GSPT1: variants seen among roughly 807,000 people sequenced by gnomAD.
GSPT1 encodes G1 to S phase transition 1.
Under a neutral mutation model 72.5 loss-of-function variants are expected in GSPT1, and 20 were observed. The ratio of observed to expected loss-of-function variants is 0.28; its 90% confidence interval spans 0.19 to 0.40. The LOEUF is 0.40. Among genes scored for constraint, GSPT1 ranks in the 10% least tolerant of loss-of-function variants. The pLI, the probability that GSPT1 is intolerant of heterozygous loss-of-function variation, is 1.00. For synonymous variants in GSPT1, 334 were observed against 293.5 expected (o/e 1.14, Z -1.41); for missense variants, 580 against 811.9 (o/e 0.71, Z 3.47).
At chr16:11,904,904 A>C (rs1441262228) in intron 1 of GSPT1, among the ~76,000 whole-genome samples, 1 of 152,156 alleles carries the variant, frequency 6.6e-6, no homozygotes, top group African/African-American at 2.4e-5. Flanking sequence ...GGGAAACACA[A>C]GGAGACTTCG....
chr16:11,889,568 C>T (rs1313270223), intron 6 of GSPT1, among the ~76,000 whole-genome samples: 1 of 151,138 alleles, frequency 6.6e-6, no homozygotes, highest in Non-Finnish European at 1.5e-5. Flanking sequence ...AGTGCAGCAG[C>T]ACCATCTCGG....
In GSPT1 at chr16:11,869,792, C is replaced by T. The variant is rs939206019; in HGVS notation, c.*3327G>A. On this transcript the variant is annotated 3_prime_UTR_variant, in exon 15 of 15. Transcript: ENST00000434724. ...AGTAATTCCAGTCATTACTAGTGTTCCTGCAGATCGCCAAGGGAGCTTAGC... is the reference window on the plus strand; with the variant it reads ...AGTAATTCCAGTCATTACTAGTGTTTCTGCAGATCGCCAAGGGAGCTTAGC... The T allele has an allele frequency of 3.3e-5, 5 of 152,176 alleles. No individual in the cohort carries two copies. The highest frequency in any genetic ancestry group is 1.2e-4 in the African/African-American group (5 of 41,450). 9.4% of individuals were successfully genotyped at this position (152,176 alleles called of 1,614,324 possible).
At chr16:11,903,009 GC>G (rs2054435353) in intron 1 of GSPT1, among the ~76,000 whole-genome samples, 1 of 151,900 alleles carries the variant, frequency 6.6e-6, no homozygotes, top group African/African-American at 2.4e-5. Context: ...GAGCCACCGC[GC>G]CCGGCTTCCA....
intron 12 of GSPT1, among the ~76,000 whole-genome samples, 153 bp from the exon 13 acceptor site, chr16:11,876,328 T>G (rs1234852568): frequency 6.6e-6 from 1 of 152,200 alleles, no homozygotes; most frequent in African/African-American, 2.4e-5. Context: ...TAGGTTTGTC[T>G]TACTAATTTT....
intron 1 of GSPT1, among the ~76,000 whole-genome samples, chr16:11,901,210 T>C (rs1411994627): frequency 1.3e-5 from 2 of 152,104 alleles, no homozygotes; most frequent in Non-Finnish European, 2.9e-5. Flanking sequence ...ACATACACAG[T>C]AAACCTTTAC....
At chr16:11,904,252 G>C (rs910265251) in intron 1 of GSPT1, 2 of 152,470 alleles carry the variant, frequency 1.3e-5, no homozygotes, top group Non-Finnish European at 2.9e-5. Context: ...TGCCAGGCTG[G>C]AGTGCAGTGG....
rs1305756056 is a variant in GSPT1 at position 11,868,836 on chromosome 16, C to G, written c.*4283G>C. ...AGAAAACAATAACCATTTCAAGGAT[C>G]ACTTAAGGAATCCTGGTGTTTTCTG... On this transcript the variant is annotated 3_prime_UTR_variant, in exon 15 of 15. Coordinates refer to ENST00000434724, the MANE Select transcript of GSPT1 (RefSeq NM_002094.4). 2.0e-5 allele frequency: 3 copies of G among 152,190 alleles called. No individual in the cohort carries two copies. The highest frequency in any genetic ancestry group is 7.2e-5 in the African/African-American group (3 of 41,442). The allele number at this position is 152,190 out of a possible 1,614,324, so 9.4% of individuals were successfully genotyped here.
chr16:11,882,936 G>A (rs2054139303), intron 11 of GSPT1, 79 bp downstream of exon 11: 1 of 874,908 alleles, frequency 1.1e-6, no homozygotes. Context: ...CTGCCTCGGT[G>A]ACAGAAGAAG....
At chr16:11,887,020 A>ATTT in intron 7 of GSPT1, 89 bp from the exon 8 acceptor site, 47 of 580,954 alleles carry the variant, frequency 8.1e-5, no homozygotes, top group Middle Eastern at 3.7e-4. Context: ...TTATATCACG[A>ATTT]GTTTTTTTTT....
rs1341715852 is a variant in GSPT1 at position 11,877,168 on chromosome 16, T to TA, written c.1602+238dup. 6.6e-6 allele frequency among the ~76,000 whole-genome samples: 1 copy of TA among 152,128 alleles called. No homozygotes were observed. Among genetic ancestry groups the TA allele is most frequent in the Admixed American group, 6.6e-5 (1 of 15,262 alleles). On this transcript the variant is annotated intron_variant, in intron 12 of 14. Transcript: ENST00000434724. This position sits in a 1 kb window ranked among gnomAD's most constrained non-coding sequence, Gnocchi z 4.0. ...GAATGTATCATCAGGAGATCAAACA[T>TA]AAAAAGGAACTTACAAAGAATACTC...
intron 1 of GSPT1, among the ~76,000 whole-genome samples, chr16:11,913,988 G>A (rs1482388998): frequency 6.6e-6 from 1 of 152,150 alleles, no homozygotes; most frequent in Non-Finnish European, 1.5e-5. Flanking sequence ...AGCAAACGGT[G>A]ACAAAAGTTT....
At position 11,870,461 on chromosome 16, in the gene GSPT1, A is replaced by C. The variant is rs1342184597; in HGVS notation, c.*2658T>G. On this transcript the variant is annotated 3_prime_UTR_variant, in exon 15 of 15. Transcript: ENST00000434724. ...TTCTAGTAGAGCAACGTTAGAGAAC[A>C]AATGCTTAGGTAATACCCTAAATAT... is the stretch of plus-strand genomic sequence containing the variant. 6.6e-6 allele frequency: 1 copy of C among 152,260 alleles called. No individual in the cohort carries two copies. The highest frequency in any genetic ancestry group is 1.5e-5 in the Non-Finnish European group (1 of 68,048). 9.4% of individuals were successfully genotyped at this position (152,260 alleles called of 1,614,324 possible).
At chr16:11,895,227 T>G in intron 4 of GSPT1, 1 of 330,278 alleles carries the variant, frequency 3.0e-6, no homozygotes, top group Admixed American at 4.2e-5. Context: ...GGTCAGGAGT[T>G]CGAGACCAGC....
chr16:11,891,168 A>T lies in GSPT1; in HGVS notation c.699-29T>A, dbSNP rs760622614. The T allele has an allele frequency of 5.2e-6, 6 of 1,154,160 alleles. No individual in the cohort carries two copies. The South Asian group carries it at 7.3e-5, about 14-fold the overall frequency. 71.5% of individuals were successfully genotyped at this position (1,154,160 alleles called of 1,614,324 possible). On this transcript the variant is annotated intron_variant, in intron 5 of 14. Coordinates refer to ENST00000434724, the MANE Select transcript of GSPT1 (RefSeq NM_002094.4). The stretch of plus-strand genomic sequence containing the variant: ...AAAACATTTAAAGAAAAAAAAAAGT[A>T]AACAATTACTCACAAATTACTCAGT...
At chr16:11,888,178 G>C (rs1476918127) in intron 6 of GSPT1, among the ~76,000 whole-genome samples, 1 of 151,498 alleles carries the variant, frequency 6.6e-6, no homozygotes, top group Non-Finnish European at 1.5e-5. Context: ...GAAATTGAAA[G>C]AATAGGGCTG....
intron 1 of GSPT1, among the ~76,000 whole-genome samples, chr16:11,901,220 C>G (rs1309055107): frequency 6.6e-6 from 1 of 152,104 alleles, no homozygotes; most frequent in Non-Finnish European, 1.5e-5. Context: ...TAAACCTTTA[C>G]TTGTTCATTC....
chr16:11,915,165 G>C (rs537216929), intron 1 of GSPT1: 2 of 1,034,264 alleles, frequency 1.9e-6, no homozygotes, highest in Non-Finnish European at 2.3e-6. Flanking sequence ...GCTGCCCGCT[G>C]TCCGCTCCCC....
chr16:11,894,527 T>C (rs569898755), intron 5 of GSPT1, among the ~76,000 whole-genome samples: 3 of 152,328 alleles, frequency 2.0e-5, no homozygotes, highest in South Asian at 2.1e-4. Context: ...GTATGTTATA[T>C]GCAAAGGAGA....
chr16:11,885,835 G>A (rs2054180899), intron 9 of GSPT1, among the ~76,000 whole-genome samples: 1 of 152,110 alleles, frequency 6.6e-6, no homozygotes. Flanking sequence ...AGGTTGCAGT[G>A]AGCCGAGATC....
Sources: gnomAD v4.1 joint callset for allele counts (sites outside exome capture counted in the v4.1 genomes callset) on GRCh38, gnomAD v4.1.1 for gene constraint, Gnocchi (gnomAD v3.1) non-coding constraint, MANE v1.5 for transcripts, NCBI Gene and HGNC (gene_info 2026-07-23, HGNC 2026-07-21) for gene names.